NEO1: variants seen among roughly 807,000 people sequenced by gnomAD.
NEO1 encodes neogenin 1.
NEO1 carries 63 observed loss-of-function variants against 159.7 expected under a neutral mutation model. The observed-to-expected ratio is 0.39, with a 90% CI of 0.32 to 0.49. NEO1 has a LOEUF of 0.49. Ranked by LOEUF, NEO1 falls within the 20% of genes least tolerant of loss-of-function variation. NEO1 has a pLI of 0.85. For synonymous variants in NEO1, 633 were observed against 662.0 expected (o/e 0.96, Z 0.67); for missense variants, 1,615 against 1,831.0 (o/e 0.88, Z 2.15).
At chr15:73,154,911 AT>A (rs1239484281) in intron 5 of NEO1, among the ~76,000 whole-genome samples, 3 of 151,428 alleles carry the variant, frequency 2.0e-5, no homozygotes, top group Admixed American at 2.0e-4. Context: ...TGTTTTATAA[AT>A]TTGTTGTTTC....
chr15:73,130,439 G>A (rs1229108005), intron 4 of NEO1, among the ~76,000 whole-genome samples: 1 of 152,064 alleles, frequency 6.6e-6, no homozygotes, highest in East Asian at 1.9e-4. Context: ...CTCAACAGAA[G>A]GTGCTCTCTA....
At chr15:73,288,005 A>G (rs936102875) in intron 23 of NEO1, among the ~76,000 whole-genome samples, 12 of 152,116 alleles carry the variant, frequency 7.9e-5, no homozygotes, top group Non-Finnish European at 1.5e-5. Flanking sequence ...TGGTTATGAG[A>G]TTATATAATG....
chr15:73,094,066 AT>A lies in NEO1; in HGVS notation c.131-22466del, dbSNP rs972498825. 1.4e-3 allele frequency among the ~76,000 whole-genome samples: 206 copies of A among 152,012 alleles called. 1 individual carries two copies. Among genetic ancestry groups the A allele is most frequent in the African/African-American group, 4.3e-3 (180 of 41,438 alleles). ...AGGAGCCCTGGTTCCTTCTATAACT[AT>A]TTTTTTTAATTGCGATATAACTCAC... On this transcript the variant is annotated intron_variant, in intron 1 of 28. Coordinates refer to ENST00000261908, the MANE Select transcript of NEO1 (RefSeq NM_002499.4).
chr15:73,072,036 C>T lies in NEO1; in HGVS notation c.130+19231C>T, dbSNP rs539305573. The stretch of plus-strand genomic sequence containing the variant: ...GCCGATCTTGGCCCACTGCAACCTC[C>T]GCCTCCCAGGTTCAAGCGATTCTCC... On this transcript the variant is annotated intron_variant, in intron 1 of 28. Transcript: ENST00000261908. Among the ~76,000 whole-genome samples, 142 of 152,158 alleles carry T rather than the reference C, an allele frequency of 9.3e-4. 1 individual carries two copies. The highest frequency in any genetic ancestry group is 3.3e-3 in the African/African-American group (135 of 41,496).
chr15:73,116,767 A>G lies in NEO1; in HGVS notation c.358A>G (p.Asn120Asp). The G allele has an allele frequency of 6.2e-7, 1 of 1,614,036 alleles. No individual in the cohort carries two copies. The highest frequency in any genetic ancestry group is 8.5e-7 in the Non-Finnish European group (1 of 1,179,920). ...CAGCAATGTGGTGCATTCCAAACACAATAAACCTGATGAAGGTTATTATCA... is the reference window on the plus strand; with the variant it reads ...CAGCAATGTGGTGCATTCCAAACACGATAAACCTGATGAAGGTTATTATCA... ...FISNVVHSKH[N>D]KPDEGYYQCV... Residue 120 changes from asparagine to aspartate, a missense_variant, in exon 2 of 29, where the codon AAT becomes GAT. Physicochemically the swap from Asn to Asp is conservative, Grantham distance 23. Around this residue, in one of 3 missense-constraint regions of NEO1, gnomAD observed 1,018 missense variants for 1,115.4 expected, o/e 0.91. Coordinates refer to ENST00000261908, the MANE Select transcript of NEO1 (RefSeq NM_002499.4).
At chr15:73,133,293 C>T (rs570340256) in intron 4 of NEO1, among the ~76,000 whole-genome samples, 4 of 152,198 alleles carry the variant, frequency 2.6e-5, no homozygotes, top group Admixed American at 2.6e-4. Context: ...TGAAATAACT[C>T]AGGAATGGAA....
At chr15:73,211,670 G>A (rs905305838) in intron 7 of NEO1, among the ~76,000 whole-genome samples, 4 of 152,140 alleles carry the variant, frequency 2.6e-5, no homozygotes, top group East Asian at 1.9e-4. Context: ...AGCCGAGATC[G>A]CGCCACTGCA....
intron 26 of NEO1, among the ~76,000 whole-genome samples, chr15:73,297,381 A>T (rs2151170884): frequency 6.6e-6 from 1 of 152,346 alleles, no homozygotes; most frequent in East Asian, 1.9e-4. Context: ...GCTTGGCTTA[A>T]AGTAAGCACC....
intron 1 of NEO1, among the ~76,000 whole-genome samples, chr15:73,078,711 A>G (rs2068896842): frequency 6.6e-6 from 1 of 152,226 alleles, no homozygotes; most frequent in East Asian, 1.9e-4. Flanking sequence ...ATCTTTCTGC[A>G]GATCTCTTCC....
intron 23 of NEO1, among the ~76,000 whole-genome samples, chr15:73,284,196 TAGC>T (rs922500365): frequency 3.2e-4 from 49 of 152,308 alleles, no homozygotes; most frequent in African/African-American, 1.2e-3. Flanking sequence ...TTATTCCTAA[TAGC>T]AGTACCATAA....
At chr15:73,137,213 T>G (rs2031861192) in intron 5 of NEO1, among the ~76,000 whole-genome samples, 1 of 152,058 alleles carries the variant, frequency 6.6e-6, no homozygotes, top group African/African-American at 2.4e-5. Flanking sequence ...GGCAACCAAG[T>G]GAATAATGTA....
intron 1 of NEO1, among the ~76,000 whole-genome samples, chr15:73,082,154 A>G (rs1416383952): frequency 6.6e-6 from 1 of 152,168 alleles, no homozygotes; most frequent in Non-Finnish European, 1.5e-5. Context: ...GATTACAGGC[A>G]TGAGCCGCCA....
chr15:73,238,170 G>C (rs1045648394), intron 8 of NEO1, among the ~76,000 whole-genome samples: 1 of 151,812 alleles, frequency 6.6e-6, no homozygotes. Flanking sequence ...CTGCAAACCA[G>C]AGCCAATTGT....
intron 5 of NEO1, among the ~76,000 whole-genome samples, chr15:73,150,168 G>A (rs1596160037): frequency 2.0e-5 from 3 of 152,298 alleles, no homozygotes; most frequent in African/African-American, 4.8e-5. Flanking sequence ...TGAGAAATGG[G>A]TCAGATGGTT....
chr15:73,222,545 G>A (rs1355948569), intron 7 of NEO1, among the ~76,000 whole-genome samples: 1 of 151,984 alleles, frequency 6.6e-6, no homozygotes, highest in Non-Finnish European at 1.5e-5. Context: ...TGTGCATAAA[G>A]GTGTTCATAG....
intron 7 of NEO1, among the ~76,000 whole-genome samples, chr15:73,224,543 A>C (rs989882515): frequency 6.6e-6 from 1 of 151,780 alleles, no homozygotes; most frequent in Admixed American, 6.6e-5. Context: ...GGATTGGGTT[A>C]ATTGGAAGAC....
chr15:73,082,166 G>A (rs1450591360), intron 1 of NEO1, among the ~76,000 whole-genome samples: 1 of 152,094 alleles, frequency 6.6e-6, no homozygotes, highest in African/African-American at 2.4e-5. Flanking sequence ...GAGCCGCCAC[G>A]CCCAGCCTAA....
intron 9 of NEO1, among the ~76,000 whole-genome samples, chr15:73,246,615 G>C (rs938398554): frequency 3.3e-5 from 5 of 152,166 alleles, no homozygotes; most frequent in Admixed American, 2.6e-4. Flanking sequence ...TTGTGGGAAG[G>C]AATTTGCATG....
intron 2 of NEO1, among the ~76,000 whole-genome samples, chr15:73,117,603 G>A (rs2071398023): frequency 6.6e-6 from 1 of 152,210 alleles, no homozygotes; most frequent in Admixed American, 6.5e-5. Context: ...CCACGTGTGA[G>A]ACAGAACCTC....
Sources: gnomAD v4.1 joint callset for allele counts (sites outside exome capture counted in the v4.1 genomes callset) on GRCh38, gnomAD v4.1.1 for gene constraint, gnomAD v4.1.1 regional missense constraint, MANE v1.5 for transcripts, NCBI Gene and HGNC (gene_info 2026-07-23, HGNC 2026-07-21) for gene names.